Variants in ZNF678 observed in about 807,000 individuals in gnomAD.
The protein encoded by ZNF678 is zinc finger protein 678.
ZNF678 carries 5 observed loss-of-function variants against 3.0 expected under a neutral mutation model. That is an observed-to-expected ratio of 1.69 (90% CI 0.88 to 3.56). The LOEUF (loss-of-function observed/expected upper bound fraction) is 3.56, where lower values mean the gene tolerates loss of function less well. Among genes scored for constraint, ZNF678 ranks in the 30% most tolerant of loss-of-function variants. ZNF678 has a pLI of 0.00. For missense variants in ZNF678, 593 were observed against 605.0 expected (o/e 0.98, Z 0.21); for synonymous variants, 218 against 199.6 (o/e 1.09, Z -0.78).
At chr1:227,591,427 C>G (rs891757629) in intron 1 of ZNF678, among the ~76,000 whole-genome samples, 1 of 152,162 alleles carries the variant, frequency 6.6e-6, no homozygotes, top group Non-Finnish European at 1.5e-5. Flanking sequence ...TTTATTTTCA[C>G]ACAGTCCTAA....
rs185778030 is a variant in ZNF678 at position 227,594,945 on chromosome 1, A to G, written c.-164+31221A>G. Among the ~76,000 whole-genome samples the G allele has an allele frequency of 5.3e-5, 8 of 152,284 alleles. No homozygotes were observed. The East Asian group carries it at 1.5e-3, about 29-fold the overall frequency. On this transcript the variant is annotated intron_variant, in intron 1 of 3. Transcript: ENST00000343776. ...TTTACTGTTTTTCTGTTAGCAAAGCAGTTGCTGCTACAGATCGAATGCATT... is the reference window on the plus strand; with the variant it reads ...TTTACTGTTTTTCTGTTAGCAAAGCGGTTGCTGCTACAGATCGAATGCATT...
downstream of ZNF678, among the ~76,000 whole-genome samples, chr1:227,665,349 G>C (rs1451824181): frequency 6.6e-6 from 1 of 152,206 alleles, no homozygotes; most frequent in Non-Finnish European, 1.5e-5. Flanking sequence ...TCAGACGCTT[G>C]TGCTGCATAT....
downstream of ZNF678, among the ~76,000 whole-genome samples, chr1:227,677,777 A>G (rs929633345): frequency 4.6e-5 from 7 of 152,236 alleles, no homozygotes; most frequent in African/African-American, 1.7e-4. Flanking sequence ...GGGATAATGT[A>G]TGGTGGACTA....
intron 3 of ZNF678, among the ~76,000 whole-genome samples, chr1:227,653,516 GT>G (rs1425849023): frequency 6.6e-6 from 1 of 151,998 alleles, no homozygotes; most frequent in Non-Finnish European, 1.5e-5. Context: ...ATTGGACCAT[GT>G]TACCCTGATA....
intron 1 of ZNF678, among the ~76,000 whole-genome samples, chr1:227,567,624 G>A (rs1019496441): frequency 1.3e-5 from 2 of 151,986 alleles, no homozygotes; most frequent in Admixed American, 1.3e-4. Flanking sequence ...CATTGTCCTG[G>A]GCTGTTTCTA....
chr1:227,611,703 C>T (rs1658024429), intron 1 of ZNF678, among the ~76,000 whole-genome samples: 1 of 152,184 alleles, frequency 6.6e-6, no homozygotes, highest in Non-Finnish European at 1.5e-5. Flanking sequence ...AGACTACTCA[C>T]TCTGGATCTT....
downstream of ZNF678, among the ~76,000 whole-genome samples, chr1:227,664,782 G>T (rs938077680): frequency 6.6e-5 from 10 of 151,896 alleles, no homozygotes; most frequent in Non-Finnish European, 8.8e-5. Flanking sequence ...TCACTTCAGG[G>T]TTCTATCCCC....
Position 227,608,476 on chromosome 1 carries a change from C to T in ZNF678, c.-163-38068C>T, listed in dbSNP as rs544253759. On this transcript the variant is annotated intron_variant, in intron 1 of 3. Coordinates refer to ENST00000343776, the MANE Select transcript of ZNF678 (RefSeq NM_001367909.1). ...ATTGAAAATTATTTGGCAAATGATACGTATAGAAATTTCTTAAACACATAA... is the reference window on the plus strand; with the variant it reads ...ATTGAAAATTATTTGGCAAATGATATGTATAGAAATTTCTTAAACACATAA... Among the ~76,000 whole-genome samples, 6 of 151,978 alleles carry T rather than the reference C, an allele frequency of 3.9e-5. No individual in the cohort carries two copies. In the East Asian group the frequency reaches 7.8e-4, roughly 20 times the overall value.
intron 5 of ZNF678, among the ~76,000 whole-genome samples, chr1:227,670,116 G>C (rs560652690): frequency 2.6e-5 from 4 of 152,334 alleles, no homozygotes; most frequent in Non-Finnish European, 5.9e-5. Context: ...AATACCACGT[G>C]TTCTCACTTA....
At chr1:227,644,346 A>G (rs1314390385) in intron 1 of ZNF678, among the ~76,000 whole-genome samples, 1 of 152,238 alleles carries the variant, frequency 6.6e-6, no homozygotes, top group Non-Finnish European at 1.5e-5. Context: ...TTCCGAGCAC[A>G]TAGTACATGC....
Position 227,655,664 on chromosome 1 carries a change from C to T in ZNF678, c.1414C>T (p.Gln472Ter). The T allele has an allele frequency of 6.2e-7, 1 of 1,612,434 alleles. No homozygotes were observed. The highest frequency in any genetic ancestry group is 8.5e-7 in the Non-Finnish European group (1 of 1,179,118). The change falls in exon 4 of 4, where the codon CAG (glutamine) becomes TAG (stop). Residue 472 changes from glutamine to a stop codon, truncating the protein, a stop_gained. Coordinates refer to ENST00000343776, the MANE Select transcript of ZNF678 (RefSeq NM_001367909.1). LOFTEE classifies it low-confidence loss of function (END_TRUNC). ...KCEECGKAFN[Q>*]FSSLTRHKRI... The stretch of plus-strand genomic sequence containing the variant: ...TGAAGAATGTGGCAAAGCCTTTAAC[C>T]AGTTCTCAAGCCTTACTCGTCATAA...
At chr1:227,575,413 T>C (rs986178698) in intron 1 of ZNF678, among the ~76,000 whole-genome samples, 2 of 152,218 alleles carry the variant, frequency 1.3e-5, no homozygotes, top group African/African-American at 4.8e-5. Flanking sequence ...TGTTGTCTAA[T>C]TTTTTGAGCA....
intron 1 of ZNF678, among the ~76,000 whole-genome samples, chr1:227,568,919 G>C (rs1232015341): frequency 1.3e-5 from 2 of 152,208 alleles, no homozygotes; most frequent in East Asian, 3.8e-4. Context: ...AGGAGCGGCA[G>C]CTGGAGGCAG....
exon 6 of ZNF678, chr1:227,677,434 A>G (rs986104533): frequency 2.6e-5 from 4 of 152,314 alleles, no homozygotes; most frequent in African/African-American, 7.2e-5. Context: ...TGGAAAGTGC[A>G]TGGGTCACCT....
At chr1:227,608,436 A>C (rs1370400654) in intron 1 of ZNF678, among the ~76,000 whole-genome samples, 1 of 152,168 alleles carries the variant, frequency 6.6e-6, no homozygotes, top group African/African-American at 2.4e-5. Context: ...CAACACATAA[A>C]ATTATTTTTT....
chr1:227,675,788 A>G (rs1247895318), intron 5 of ZNF678, among the ~76,000 whole-genome samples: 1 of 152,222 alleles, frequency 6.6e-6, no homozygotes, highest in East Asian at 1.9e-4. Flanking sequence ...AATCATCTAA[A>G]CTTGTAAAAA....
intron 1 of ZNF678, among the ~76,000 whole-genome samples, chr1:227,602,309 A>T (rs1298257147): frequency 6.6e-6 from 1 of 152,242 alleles, no homozygotes; most frequent in Non-Finnish European, 1.5e-5. Context: ...ATCAGTTAAA[A>T]TTTATGTTTA....
At chr1:227,598,423 G>A (rs1657649347) in intron 1 of ZNF678, 2 of 1,464,894 alleles carry the variant, frequency 1.4e-6, no homozygotes, top group African/African-American at 2.9e-5. Flanking sequence ...TTTTCTTAAT[G>A]TTATGGTGAG....
rs1658747350 is a variant in ZNF678, at chr1:227,638,898, C to T, written c.-163-7646C>T. Among the ~76,000 whole-genome samples, 2 of 152,066 alleles carry T rather than the reference C, an allele frequency of 1.3e-5. No individual in the cohort carries two copies. The highest frequency in any genetic ancestry group is 4.1e-4 in the South Asian group (2 of 4,822). ...GTGGGTCCTGAAAAATTAGGTAAAG[C>T]AGAGTAGCTTGCCTGGTATTAATTT... On this transcript the variant is annotated intron_variant, in intron 1 of 3. Coordinates refer to ENST00000343776, the MANE Select transcript of ZNF678 (RefSeq NM_001367909.1). The surrounding 1 kb of genome is among the most constrained non-coding windows in gnomAD (Gnocchi z 4.2).
Sources: allele counts gnomAD v4.1 joint callset (sites outside exome capture counted in the v4.1 genomes callset), GRCh38; gene constraint gnomAD v4.1.1; non-coding constraint Gnocchi (gnomAD v3.1); transcripts MANE v1.5; gene names NCBI Gene and HGNC (gene_info 2026-07-23, HGNC 2026-07-21).